Variants in CHSY3 observed in about 807,000 individuals in gnomAD.
CHSY3 encodes chondroitin sulfate synthase 3, also known as N-acetylgalactosaminyl-proteoglycan 3-beta-glucuronosyltransferase 3.
In CHSY3, 35 loss-of-function variants were observed where a neutral mutation model predicts 67.2. The observed-to-expected ratio is 0.52, with a 90% CI of 0.40 to 0.69. The LOEUF (loss-of-function observed/expected upper bound fraction) is 0.69. Among genes scored for constraint, CHSY3 ranks in the 30% least tolerant of loss-of-function variants. CHSY3 has a pLI of 0.00. For missense variants in CHSY3, 1,069 were observed against 1,138.5 expected, an observed-to-expected ratio of 0.94 and a Z score of 0.88; for synonymous variants, 474 against 434.7, an observed-to-expected ratio of 1.09 and a Z score of -1.12.
In CHSY3 at chr5:130,184,226, C is replaced by T; in HGVS notation, c.1087-3C>T. ...CCCTGATTTTTTTAATTTTACTTTT[C>T]AGATGCAACAACTGTTCCATGAAAA... On this transcript the variant is annotated splice_region_variant and splice_polypyrimidine_tract_variant and intron_variant, in intron 2 of 2. Coordinates refer to ENST00000305031, the MANE Select transcript of CHSY3 (RefSeq NM_175856.5). 3 of 1,460,600 alleles carry T rather than the reference C, an allele frequency of 2.1e-6. No individual in the cohort carries two copies. Among genetic ancestry groups the T allele is most frequent in the East Asian group, 2.4e-5 (1 of 41,224 alleles). 90.5% of individuals were successfully genotyped at this position (1,460,600 alleles called of 1,614,324 possible). A position where few individuals can be genotyped will look rare whatever the true frequency, so the allele number is the denominator to read the frequency against.
chr5:130,001,837 C>T (rs1427074465), intron 2 of CHSY3: 3 of 864,200 alleles, frequency 3.5e-6, no homozygotes, highest in East Asian at 1.2e-4. Flanking sequence ...CTGTAACTGA[C>T]ATTCAGAAAT....
intron 2 of CHSY3, among the ~76,000 whole-genome samples, chr5:130,096,832 G>A (rs866396246): frequency 3.5e-4 from 54 of 152,204 alleles, no homozygotes; most frequent in African/African-American, 1.2e-3. Flanking sequence ...TCTTAAGGAG[G>A]AGGAGAATCT....
At chr5:130,019,580 A>T (rs1037451644) in intron 2 of CHSY3, among the ~76,000 whole-genome samples, 4 of 152,166 alleles carry the variant, frequency 2.6e-5, no homozygotes, top group Non-Finnish European at 1.5e-5. Context: ...CCACCTAATT[A>T]GTCTGCTATG....
rs542656762 is a variant in CHSY3, at chr5:129,951,172, GA to G, written c.1086+42816del. 4.9e-4 allele frequency among the ~76,000 whole-genome samples: 74 copies of G among 152,206 alleles called. 1 individual carries two copies. Among genetic ancestry groups the G allele is most frequent in the South Asian group, 3.1e-3 (15 of 4,826 alleles). On this transcript the variant is annotated intron_variant, in intron 2 of 2. Transcript: ENST00000305031. ...GAGCCTCTTTAATAAATAGTGTTAG[GA>G]AAACTGCTTATTCACAGGCAAAATA...
rs1376100443 is a variant in CHSY3, at chr5:129,924,661, A to T, written c.1086+16301A>T. On this transcript the variant is annotated intron_variant, in intron 2 of 2. Coordinates refer to ENST00000305031, the MANE Select transcript of CHSY3 (RefSeq NM_175856.5). ...CTCCCTCTAAAAAAAAAAAAAAAAAATAGAATTAACTTTCTGTAGTTATTC... is the reference window on the plus strand; with the variant it reads ...CTCCCTCTAAAAAAAAAAAAAAAAATTAGAATTAACTTTCTGTAGTTATTC... 3.4e-5 allele frequency among the ~76,000 whole-genome samples: 5 copies of T among 147,182 alleles called. No individual in the cohort carries two copies. In the East Asian group the frequency reaches 6.0e-4, roughly 18 times the overall value.
intron 2 of CHSY3, among the ~76,000 whole-genome samples, chr5:129,965,705 G>T (rs773682489): frequency 6.6e-6 from 1 of 151,904 alleles, no homozygotes; most frequent in Non-Finnish European, 1.5e-5. Flanking sequence ...AAGGGTAATT[G>T]TCTTTTCACA....
intron 2 of CHSY3, among the ~76,000 whole-genome samples, chr5:129,927,130 T>C (rs1761142535): frequency 6.6e-6 from 1 of 151,916 alleles, no homozygotes; most frequent in Non-Finnish European, 1.5e-5. Flanking sequence ...CTTAACTAAG[T>C]TCTAATTTTT....
intron 2 of CHSY3, among the ~76,000 whole-genome samples, chr5:130,038,203 A>C (rs1764912715): frequency 6.6e-6 from 1 of 152,122 alleles, no homozygotes; most frequent in Admixed American, 6.6e-5. Context: ...GAATATTAAT[A>C]TTGGGTAATT....
intron 2 of CHSY3, among the ~76,000 whole-genome samples, chr5:130,091,748 T>A (rs1766887838): frequency 6.6e-6 from 1 of 152,118 alleles, no homozygotes; most frequent in African/African-American, 2.4e-5. Flanking sequence ...TAGGGGGAAA[T>A]GGCATTTTAA....
chr5:130,099,645 T>G (rs1347293682), intron 2 of CHSY3, among the ~76,000 whole-genome samples: 2 of 152,334 alleles, frequency 1.3e-5, no homozygotes, highest in East Asian at 3.9e-4. Flanking sequence ...TTCATTTATT[T>G]TGCACTGGTG....
chr5:130,127,315 C>T (rs150597398), intron 2 of CHSY3, among the ~76,000 whole-genome samples: 493 of 152,200 alleles, frequency 3.2e-3, no homozygotes, highest in African/African-American at 0.011. Context: ...CCAGACACTT[C>T]CCCACATTAT....
intron 2 of CHSY3, among the ~76,000 whole-genome samples, chr5:130,147,096 CAT>C (rs1769097101): frequency 6.6e-6 from 1 of 152,086 alleles, no homozygotes; most frequent in Non-Finnish European, 1.5e-5. Context: ...GCCAGGCCTT[CAT>C]ATGTTTTTAT....
intron 2 of CHSY3, among the ~76,000 whole-genome samples, chr5:129,910,473 G>T (rs1271450462): frequency 6.6e-6 from 1 of 151,892 alleles, no homozygotes; most frequent in Non-Finnish European, 1.5e-5. Flanking sequence ...TATTTAAACA[G>T]TATTTATTTA....
At chr5:129,933,083 T>C (rs1331521638) in intron 2 of CHSY3, among the ~76,000 whole-genome samples, 1 of 152,090 alleles carries the variant, frequency 6.6e-6, no homozygotes, top group Non-Finnish European at 1.5e-5. Flanking sequence ...GATACAAATA[T>C]ATAAAGCAGC....
At chr5:130,068,679 A>G (rs952452311) in intron 2 of CHSY3, among the ~76,000 whole-genome samples, 7 of 152,118 alleles carry the variant, frequency 4.6e-5, no homozygotes, top group South Asian at 2.1e-4. Context: ...GAAAAACACC[A>G]TTTTAAATGG....
At chr5:130,173,397 A>G (rs1769953197) in intron 2 of CHSY3, among the ~76,000 whole-genome samples, 1 of 152,210 alleles carries the variant, frequency 6.6e-6, no homozygotes, top group African/African-American at 2.4e-5. Context: ...CACTGATAAC[A>G]TCTCGCAAAA....
intron 2 of CHSY3, among the ~76,000 whole-genome samples, chr5:130,019,297 C>G (rs1248464576): frequency 1.3e-5 from 2 of 152,040 alleles, no homozygotes; most frequent in African/African-American, 2.4e-5. Context: ...TTTCCATTCT[C>G]TTTCTTTTCC....
chr5:130,005,402 A>G (rs2149642379), intron 2 of CHSY3, among the ~76,000 whole-genome samples: 1 of 149,428 alleles, frequency 6.7e-6, no homozygotes, highest in South Asian at 2.1e-4. Context: ...TGACAGAGTG[A>G]GACTCTGTGA....
At chr5:130,102,342 A>T (rs1431182623) in intron 2 of CHSY3, among the ~76,000 whole-genome samples, 1 of 152,078 alleles carries the variant, frequency 6.6e-6, no homozygotes, top group African/African-American at 2.4e-5. Flanking sequence ...TGCATTAATT[A>T]TGTGTCTTTT....
Sources: allele counts gnomAD v4.1 joint callset (sites outside exome capture counted in the v4.1 genomes callset), GRCh38; gene constraint gnomAD v4.1.1; transcripts MANE v1.5; gene names NCBI Gene and HGNC (gene_info 2026-07-23, HGNC 2026-07-21).